Variants in BABAM2 observed in about 807,000 individuals in gnomAD.
BABAM2 encodes the protein BRISC and BRCA1 A complex member 2.
A neutral mutation model predicts 54.7 loss-of-function variants in BABAM2; 31 were observed. The observed-to-expected ratio is 0.57, with a 90% CI of 0.43 to 0.77. The LOEUF is 0.77. Ranked by LOEUF, BABAM2 falls within the 30% of genes least tolerant of loss-of-function variation. BABAM2 has a pLI of 0.00. For synonymous variants in BABAM2, 167 were observed against 162.9 expected (o/e 1.03, Z -0.19); for missense variants, 364 against 455.8 (o/e 0.80, Z 1.83).
In BABAM2 at chr2:28,270,691, A is replaced by C. The variant is rs557774751; in HGVS notation, c.934+25829A>C. 3.3e-5 allele frequency among the ~76,000 whole-genome samples: 5 copies of C among 152,358 alleles called. No homozygotes were observed. In the South Asian group the frequency reaches 8.3e-4, roughly 25 times the overall value. On this transcript the variant is annotated intron_variant, in intron 10 of 11. Coordinates refer to ENST00000379624, the MANE Select transcript of BABAM2 (RefSeq NM_199191.3). ...TGTTGCTATCTTCTGCTGTTTCTAC[A>C]GAAGAGCCTCAGCCCTGAATCCAGA... is the stretch of plus-strand genomic sequence containing the variant.
chr2:28,002,715 T>G (rs1425086371), intron 4 of BABAM2, among the ~76,000 whole-genome samples: 1 of 152,192 alleles, frequency 6.6e-6, no homozygotes, highest in Non-Finnish European at 1.5e-5. Flanking sequence ...TTAGCTGACT[T>G]CTTAATAGCA....
chr2:28,165,734 C>T (rs899101918), intron 7 of BABAM2, among the ~76,000 whole-genome samples: 1 of 151,818 alleles, frequency 6.6e-6, no homozygotes, highest in Non-Finnish European at 1.5e-5. Flanking sequence ...GGGGTTTCAC[C>T]ATGTTGGCCA....
chr2:28,076,274 AAAAAG>A (rs922798405), intron 6 of BABAM2, among the ~76,000 whole-genome samples: 3 of 151,936 alleles, frequency 2.0e-5, no homozygotes, highest in Non-Finnish European at 4.4e-5. Context: ...ACCCTTTCTC[AAAAAG>A]AAAAGAAAAG....
chr2:28,074,937 T>C (rs1269342680), intron 6 of BABAM2, among the ~76,000 whole-genome samples: 4 of 152,218 alleles, frequency 2.6e-5, no homozygotes, highest in African/African-American at 9.6e-5. Context: ...AAGTTCATTC[T>C]TCTTCCAAGA....
intron 3 of BABAM2, among the ~76,000 whole-genome samples, chr2:27,933,611 G>A (rs1668264993): frequency 6.6e-6 from 1 of 151,890 alleles, no homozygotes; most frequent in Non-Finnish European, 1.5e-5. Flanking sequence ...TGGAACTACA[G>A]GTGCCCACCA....
At chr2:27,889,987 AGGGCAGGTCTTTG>A, upstream of BABAM2, 1 of 355,848 alleles carries the variant, frequency 2.8e-6, no homozygotes, top group Admixed American at 4.7e-5. Context: ...AAGTCTTTGG[AGGGCAGGTCTTTG>A]GGGAGCGCTT....
chr2:28,084,338 A>G (rs1340205049), intron 6 of BABAM2, among the ~76,000 whole-genome samples: 1 of 152,144 alleles, frequency 6.6e-6, no homozygotes, highest in Non-Finnish European at 1.5e-5. Context: ...TGCATAGGAT[A>G]CCTCAGGGAT....
chr2:28,314,149 T>C (rs924455763), intron 11 of BABAM2, among the ~76,000 whole-genome samples: 1 of 152,124 alleles, frequency 6.6e-6, no homozygotes, highest in Non-Finnish European at 1.5e-5. Flanking sequence ...TTACAGACAA[T>C]AAGAATTGTA....
intron 6 of BABAM2, among the ~76,000 whole-genome samples, chr2:28,126,113 A>C (rs1669501025): frequency 6.6e-6 from 1 of 151,638 alleles, no homozygotes; most frequent in South Asian, 2.1e-4. Flanking sequence ...GACAAGCCTA[A>C]ATTTTGTAAT....
Position 28,322,731 on chromosome 2 carries a change from C to T in BABAM2, c.1089-15719C>T, listed in dbSNP as rs561298755. On this transcript the variant is annotated intron_variant, in intron 11 of 11. Transcript: ENST00000379624. The surrounding 1 kb of genome is among the most constrained non-coding windows in gnomAD (Gnocchi z 4.1). ...GGGTAGGTGTCAGGTAGGTGGGAGA[C>T]CCCCAGCATGTTGCAGGCCCAGGAA... 6.6e-6 allele frequency among the ~76,000 whole-genome samples: 1 copy of T among 152,212 alleles called. No individual in the cohort carries two copies. The highest frequency in any genetic ancestry group is 1.5e-5 in the Non-Finnish European group (1 of 68,038).
chr2:27,904,993 A>G (rs900290164), intron 2 of BABAM2, among the ~76,000 whole-genome samples: 12 of 152,248 alleles, frequency 7.9e-5, no homozygotes, highest in Non-Finnish European at 1.6e-4. Flanking sequence ...CTGCGTGCTT[A>G]CTGTTAACTT....
intron 7 of BABAM2, among the ~76,000 whole-genome samples, chr2:28,161,430 A>G (rs1558394816): frequency 1.3e-5 from 2 of 152,152 alleles, no homozygotes; most frequent in Non-Finnish European, 2.9e-5. Context: ...GGGGGTAGGT[A>G]GAAAGTAGAA....
intron 5 of BABAM2, among the ~76,000 whole-genome samples, chr2:28,032,558 T>A (rs1381614490): frequency 6.6e-6 from 1 of 152,204 alleles, no homozygotes. Context: ...TTTACCAAAT[T>A]GTTTCTCCTT....
At chr2:28,027,412 G>A (rs948543809) in intron 5 of BABAM2, among the ~76,000 whole-genome samples, 1 of 152,176 alleles carries the variant, frequency 6.6e-6, no homozygotes, top group Non-Finnish European at 1.5e-5. Context: ...CCATTATCCA[G>A]TTTTAGAATG....
chr2:27,951,706 A>T (rs528249436), intron 3 of BABAM2, among the ~76,000 whole-genome samples: 1 of 151,854 alleles, frequency 6.6e-6, no homozygotes, highest in African/African-American at 2.4e-5. Context: ...AATTTTTTCA[A>T]TTTTTTATTT....
chr2:28,228,685 C>T (rs192108117), intron 7 of BABAM2, among the ~76,000 whole-genome samples: 4 of 152,264 alleles, frequency 2.6e-5, no homozygotes, highest in African/African-American at 9.6e-5. Flanking sequence ...TTCCCCTTAC[C>T]CTTTTCGTGT....
At position 28,025,273 on chromosome 2, in the gene BABAM2, G is replaced by A. The variant is rs191932782; in HGVS notation, c.348G>A (p.Val116=). The A allele has an allele frequency of 3.3e-5, 53 of 1,608,644 alleles. No homozygotes were observed. The African/African-American group carries it at 6.6e-4, about 20-fold the overall frequency. ...CAAATCCTGAATGTCTCTTACTTGT[G>A]GTGAAGGAACTTGTGCAACAATATC... ...NPSNPECLLL[V]VKELVQQYHQ... is the part of the protein sequence containing the mutation. Residue 116 remains valine, a synonymous_variant, in exon 5 of 12, where the codon GTG becomes GTA. Transcript: ENST00000379624.
intron 10 of BABAM2, among the ~76,000 whole-genome samples, chr2:28,265,758 C>A (rs1252906833): frequency 4.6e-5 from 7 of 152,264 alleles, no homozygotes; most frequent in Non-Finnish European, 1.0e-4. Flanking sequence ...ACCCCACATA[C>A]AAAACATAGG....
chr2:28,192,192 G>A lies in BABAM2; in HGVS notation c.681-45010G>A, dbSNP rs147068793. 7.4e-4 allele frequency among the ~76,000 whole-genome samples: 112 copies of A among 152,042 alleles called. No individual in the cohort carries two copies. The East Asian group carries it at 9.0e-3, about 12-fold the overall frequency. On this transcript the variant is annotated intron_variant, in intron 7 of 11. Transcript: ENST00000379624. ...TGGGACCACAGGCGCCCGCCACCAC[G>A]CCCAGCTAATTTTTTGTATTTTTAG...
Sources: allele counts gnomAD v4.1 joint callset (sites outside exome capture counted in the v4.1 genomes callset), GRCh38; gene constraint gnomAD v4.1.1; non-coding constraint Gnocchi (gnomAD v3.1); transcripts MANE v1.5; gene names NCBI Gene and HGNC (gene_info 2026-07-23, HGNC 2026-07-21).